The following ATAD2B variants were observed in gnomAD, a reference collection of about 807,000 sequenced individuals.
ATAD2B encodes ATPase family AAA domain-containing protein 2B.
In ATAD2B, 40 loss-of-function variants were observed where a neutral mutation model predicts 167.6. That is an observed-to-expected ratio of 0.24 (90% confidence interval 0.19 to 0.31). ATAD2B has a LOEUF of 0.31. ATAD2B is among the 10% of genes least tolerant of loss of function. The pLI, the probability that ATAD2B is intolerant of heterozygous loss-of-function variation, is 1.00. For missense variants in ATAD2B, 1,242 were observed against 1,757.2 expected, an observed-to-expected ratio of 0.71 and a Z score of 5.24; for synonymous variants, 579 against 596.5, an observed-to-expected ratio of 0.97 and a Z score of 0.43.
At chr2:23,822,417 C>T (rs1000797931) in intron 16 of ATAD2B, among the ~76,000 whole-genome samples, 4 of 151,908 alleles carry the variant, frequency 2.6e-5, no homozygotes, top group African/African-American at 4.8e-5. Context: ...TGGCGGCACA[C>T]GCCTGTAATC....
chr2:23,714,124 T>C, the ATAD2B span, among the ~76,000 whole-genome samples: 1 of 152,140 alleles, frequency 6.6e-6, no homozygotes, highest in Non-Finnish European at 1.5e-5. Flanking sequence ...CAAATAATGA[T>C]ATGGAATTCT....
rs1374559061 is a variant in ATAD2B at position 23,757,999 on chromosome 2, A to G, written c.3497T>C (p.Phe1166Ser). 3.7e-6 allele frequency: 6 copies of G among 1,612,556 alleles called. No homozygotes were observed. The highest frequency in any genetic ancestry group is 4.2e-6 in the Non-Finnish European group (5 of 1,179,302). ...CTCCGTATGGTTCTCATAGTCTGCAAATTTGGTGTCTTCTTCATCTTTTTT... is the reference window on the plus strand; with the variant it reads ...CTCCGTATGGTTCTCATAGTCTGCAGATTTGGTGTCTTCTTCATCTTTTTT... ...NLKKDEEDTK[F>S]ADYENHTEDR... is the part of the protein sequence containing the mutation. The change falls in exon 25 of 28, where the codon TTT becomes TCT. Residue 1166 changes from phenylalanine to serine, a missense_variant. Phe to Ser is a radical substitution (Grantham distance 155). Transcript: ENST00000238789.
chr2:23,723,772 G>A, the ATAD2B span, among the ~76,000 whole-genome samples: 27 of 152,234 alleles, frequency 1.8e-4, no homozygotes, highest in African/African-American at 4.6e-4. Context: ...GGAATTTACC[G>A]AAGGAAAGGA....
At chr2:23,892,966 G>A (rs150820594) in intron 2 of ATAD2B, among the ~76,000 whole-genome samples, 1 of 151,968 alleles carries the variant, frequency 6.6e-6, no homozygotes, top group South Asian at 2.1e-4. Context: ...TGTATATTTG[G>A]GAATTTCTAT....
intron 7 of ATAD2B, among the ~76,000 whole-genome samples, chr2:23,878,742 C>T (rs1697419488): frequency 6.7e-6 from 1 of 149,264 alleles, no homozygotes. Flanking sequence ...AGACAAGCAA[C>T]AGACTGTCTT....
chr2:23,678,140 T>C, the ATAD2B span, among the ~76,000 whole-genome samples: 9 of 152,150 alleles, frequency 5.9e-5, no homozygotes, highest in Non-Finnish European at 1.3e-4. Flanking sequence ...TGGTGAAAAA[T>C]ATGCAGAAGT....
the ATAD2B span, chr2:23,690,283 C>T: frequency 2.0e-5 from 3 of 152,256 alleles, no homozygotes; most frequent in African/African-American, 7.2e-5. Context: ...CAGACCTCAT[C>T]TAGTTCCATC....
At chr2:23,796,344 A>G (rs1682614776) in intron 19 of ATAD2B, among the ~76,000 whole-genome samples, 1 of 152,224 alleles carries the variant, frequency 6.6e-6, no homozygotes. Flanking sequence ...AAAGGTTACT[A>G]GTCAGTGGGC....
chr2:23,756,673 C>T (rs1040712915), intron 25 of ATAD2B, among the ~76,000 whole-genome samples: 4 of 152,230 alleles, frequency 2.6e-5, no homozygotes, highest in Admixed American at 1.3e-4. Context: ...TGGGAGAGTA[C>T]TCTGATTCCC....
chr2:23,703,611 T>C, the ATAD2B span: 1 of 1,330,422 alleles, frequency 7.5e-7, no homozygotes. Context: ...ATCAGTCACT[T>C]GTTGGAAGTC....
chr2:23,803,036 T>C (rs1683747445), intron 18 of ATAD2B, among the ~76,000 whole-genome samples: 1 of 152,204 alleles, frequency 6.6e-6, no homozygotes, highest in South Asian at 2.1e-4. Flanking sequence ...TATAGCACGC[T>C]TATCAGTCCC....
intron 7 of ATAD2B, among the ~76,000 whole-genome samples, chr2:23,878,352 C>G (rs182235583): frequency 2.0e-5 from 3 of 151,788 alleles, no homozygotes; most frequent in African/African-American, 7.3e-5. Context: ...CAGAGTGAGA[C>G]TCTGTCTCAA....
At chr2:23,896,308 G>C (rs2150365838) in intron 1 of ATAD2B, among the ~76,000 whole-genome samples, 1 of 150,342 alleles carries the variant, frequency 6.7e-6, no homozygotes, top group South Asian at 2.1e-4. Context: ...CTGGATGACA[G>C]AGCAAGACTT....
In ATAD2B at chr2:23,823,366, G is replaced by A; in HGVS notation, c.2023C>T (p.Leu675=). The A allele has an allele frequency of 6.2e-7, 1 of 1,613,962 alleles. No homozygotes were observed. Among genetic ancestry groups the A allele is most frequent in the Non-Finnish European group, 8.5e-7 (1 of 1,179,866 alleles). The change falls in exon 16 of 28, where the codon CTA becomes TTA. Residue 675 remains leucine (L), a synonymous_variant. Transcript: ENST00000238789. ...AGCAGTGGTCTTATGATGGGGGATAGTGCATGCCCTGAAGACATCACAGCA... is the reference window on the plus strand; with the variant it reads ...AGCAGTGGTCTTATGATGGGGGATAATGCATGCCCTGAAGACATCACAGCA... ...QRAVMSSGHA[L]SPIIRPLLER... is the part of the protein sequence containing the mutation.
the ATAD2B span, among the ~76,000 whole-genome samples, chr2:23,728,070 A>T: frequency 6.6e-6 from 1 of 152,202 alleles, no homozygotes; most frequent in Admixed American, 6.5e-5. Flanking sequence ...GTTAATAATG[A>T]TGTATGAATA....
intron 15 of ATAD2B, among the ~76,000 whole-genome samples, chr2:23,825,109 A>ATT (rs70941593): frequency 0.015 from 1,647 of 111,504 alleles, 67 homozygotes; most frequent in East Asian, 0.061. Flanking sequence ...CATCAGGCTA[A>ATT]TTTTTTTTTT....
intron 1 of ATAD2B, among the ~76,000 whole-genome samples, chr2:23,921,597 A>T (rs989770125): frequency 1.3e-5 from 2 of 152,244 alleles, no homozygotes; most frequent in South Asian, 4.1e-4. Context: ...CACAGGCTTT[A>T]TAAGTTTCAT....
At chr2:23,773,586 G>A (rs1678671593) in intron 22 of ATAD2B, among the ~76,000 whole-genome samples, 1 of 152,150 alleles carries the variant, frequency 6.6e-6, no homozygotes, top group Admixed American at 6.5e-5. Flanking sequence ...TTTGTTTGTG[G>A]ATTCAGAGAC....
At chr2:23,897,605 A>G (rs1700304519) in intron 1 of ATAD2B, among the ~76,000 whole-genome samples, 1 of 152,128 alleles carries the variant, frequency 6.6e-6, no homozygotes, top group South Asian at 2.1e-4. Flanking sequence ...TTCTTATTTT[A>G]TTCTACAAAT....
Sources: gnomAD v4.1 joint callset for allele counts (sites outside exome capture counted in the v4.1 genomes callset) on GRCh38, gnomAD v4.1.1 for gene constraint, MANE v1.5 for transcripts, NCBI Gene and HGNC (gene_info 2026-07-23, HGNC 2026-07-21) for gene names.